The following MRGBP variants were observed in gnomAD, a reference collection of about 807,000 sequenced individuals.
The protein encoded by MRGBP is MRG domain binding protein.
MRGBP carries 5 observed loss-of-function variants against 21.5 expected under a neutral mutation model. The observed-to-expected ratio is 0.23, with a 90% CI of 0.12 to 0.49. MRGBP has a LOEUF of 0.49. MRGBP is among the 20% of genes least tolerant of loss of function. MRGBP has a pLI of 0.98. For synonymous variants in MRGBP, 118 were observed against 104.4 expected (o/e 1.13, Z -0.79); for missense variants, 227 against 277.4 (o/e 0.82, Z 1.29).
intron 2 of MRGBP, among the ~76,000 whole-genome samples, chr20:62,798,378 C>G (rs999584742): frequency 2.0e-5 from 3 of 152,224 alleles, no homozygotes; most frequent in Non-Finnish European, 4.4e-5. Flanking sequence ...TTCTGCCCTC[C>G]CTGGGTCTGT....
chr20:62,797,322 C>T, intron 2 of MRGBP, 91 bp downstream of exon 2: 2 of 1,454,968 alleles, frequency 1.4e-6, no homozygotes, highest in Non-Finnish European at 1.8e-6. Flanking sequence ...GCAGAGGCCC[C>T]TCCATGTCTG....
rs140838580 is a variant in MRGBP, at chr20:62,796,517, C to T, written c.-7C>T. 0.067 allele frequency: 77,410 copies of T among 1,147,036 alleles called. 3,052 individuals are homozygous for T. The highest frequency in any genetic ancestry group is 0.16 in the African/African-American group (9,509 of 61,118). 71.1% of individuals were successfully genotyped at this position (1,147,036 alleles called of 1,614,324 possible). A position where few individuals can be genotyped will look rare whatever the true frequency, so the allele number is the denominator to read the frequency against. On this transcript the variant is annotated 5_prime_UTR_variant, in exon 1 of 5. Transcript: ENST00000370487. ...CCGGGGGCTCCTTGCTCGGCCGGGC[C>T]GCGGCCATGGGAGAGGCCGAGGTGG...
Position 62,800,685 on chromosome 20 carries a change from A to G in MRGBP, c.*1042A>G, listed in dbSNP as rs1347465439. 1 of 152,266 alleles carries G rather than the reference A, an allele frequency of 6.6e-6. No homozygotes were observed. Among genetic ancestry groups the G allele is most frequent in the South Asian group, 2.1e-4 (1 of 4,834 alleles). The allele number at this position is 152,266 out of a possible 1,614,324, so 9.4% of individuals were successfully genotyped here. A position where few individuals can be genotyped will look rare whatever the true frequency, so the allele number is the denominator to read the frequency against. ...TCCAAGATTTATAACTAAAGCATAC[A>G]CTTAGATGACTTATTAACATTCACT... On this transcript the variant is annotated 3_prime_UTR_variant, in exon 5 of 5. Transcript: ENST00000370487.
At chr20:62,796,752 C>T in intron 1 of MRGBP, 81 bp downstream of exon 1, 1 of 1,149,376 alleles carries the variant, frequency 8.7e-7, no homozygotes, top group Non-Finnish European at 1.1e-6. Flanking sequence ...TCGCGACACC[C>T]TCGCCCCCAC....
intron 3 of MRGBP, 88 bp from the exon 4 acceptor site, chr20:62,798,887 A>G: frequency 6.3e-7 from 1 of 1,591,296 alleles, no homozygotes; most frequent in Non-Finnish European, 8.6e-7. Flanking sequence ...TGTGGGCAGC[A>G]AGCGTCGGAG....
At chr20:62,799,143 T>C (rs1026626291) in intron 4 of MRGBP, 94 bp downstream of exon 4, 38 of 1,352,906 alleles carry the variant, frequency 2.8e-5, no homozygotes, top group Non-Finnish European at 3.8e-5. Flanking sequence ...GCGTAGAGCC[T>C]GCGGTGCAGA....
In MRGBP at chr20:62,799,772, C is replaced by G; in HGVS notation, c.*129C>G. 6 of 1,025,480 alleles carry G rather than the reference C, an allele frequency of 5.9e-6. No individual in the cohort carries two copies. The highest frequency in any genetic ancestry group is 8.3e-6 in the Non-Finnish European group (6 of 721,644). The allele number at this position is 1,025,480 out of a possible 1,614,324, so 63.5% of individuals were successfully genotyped here. On this transcript the variant is annotated 3_prime_UTR_variant, in exon 5 of 5. Transcript: ENST00000370487. ...CAGTGCCATGAGCCCACACTGCCCG[C>G]CCTCAGGCTCTCAGGTGAACGTGGC...
At position 62,796,543 on chromosome 20, in the gene MRGBP, G is replaced by C. The variant is rs1421401818; in HGVS notation, c.20G>C (p.Gly7Ala). MGEAEV[G>A]GGGAAGDKGP... ...GCGGCCATGGGAGAGGCCGAGGTGG[G>C]CGGCGGGGGCGCCGCAGGCGACAAG... The change falls in exon 1 of 5, where the codon GGC becomes GCC. Residue 7 changes from glycine (G) to alanine (A), a missense_variant. This residue lies in a region of MRGBP where 65 missense variants were observed against 49.7 expected (regional missense o/e 1.31). Transcript: ENST00000370487. 4.2e-6 allele frequency: 5 copies of C among 1,189,228 alleles called. 1 individual carries two copies. Among genetic ancestry groups the C allele is most frequent in the East Asian group, 7.7e-5 (2 of 25,962 alleles). The allele number at this position is 1,189,228 out of a possible 1,614,324, so 73.7% of individuals were successfully genotyped here. A position where few individuals can be genotyped will look rare whatever the true frequency, so the allele number is the denominator to read the frequency against.
At position 62,799,631 on chromosome 20, in the gene MRGBP, G is replaced by A. The variant is rs114741652; in HGVS notation, c.603G>A (p.Arg201=). ...SNPSSPSAAK[R]RRT ...CTTCCAGTCCCAGTGCTGCCAAGCG[G>A]CGCCGCACGTAGACCCTCAGCCCTG... is the stretch of plus-strand genomic sequence containing the variant. The change falls in exon 5 of 5, where the codon CGG becomes CGA. Residue 201 remains arginine, a synonymous_variant. Coordinates refer to ENST00000370487, the MANE Select transcript of MRGBP (RefSeq NM_018270.6). 332 of 1,612,096 alleles carry A rather than the reference G, an allele frequency of 2.1e-4. 1 individual carries two copies. The African/African-American group carries it at 4.1e-3, about 20-fold the overall frequency.
At chr20:62,796,878 T>G (rs1990348222) in intron 1 of MRGBP, among the ~76,000 whole-genome samples, 1 of 70,728 alleles carries the variant, frequency 1.4e-5, no homozygotes, top group Non-Finnish European at 2.6e-5. Flanking sequence ...CCTACCCCCG[T>G]GAGACCGCGA....
chr20:62,796,480 C>T lies in MRGBP; in HGVS notation c.-44C>T, dbSNP rs1990334961. On this transcript the variant is annotated 5_prime_UTR_variant, in exon 1 of 5. Coordinates refer to ENST00000370487, the MANE Select transcript of MRGBP (RefSeq NM_018270.6). Reference sequence around the variant, plus strand: ...TGCGCCTGCGCGGAGCTCGTGGCCGCGCCTGCTCCCGCCGGGGGCTCCTTG... The same window carrying T: ...TGCGCCTGCGCGGAGCTCGTGGCCGTGCCTGCTCCCGCCGGGGGCTCCTTG... 2.7e-6 allele frequency: 3 copies of T among 1,096,892 alleles called. No individual in the cohort carries two copies. The highest frequency in any genetic ancestry group is 5.1e-5 in the Admixed American group (1 of 19,520). 67.9% of individuals were successfully genotyped at this position (1,096,892 alleles called of 1,614,324 possible).
Position 62,796,662 on chromosome 20 carries a change from A to G in MRGBP, c.139A>G (p.Lys47Glu). ...VCLFHAMLGHKPVGVNRHFHM... is the reference protein window; with the variant it reads ...VCLFHAMLGHEPVGVNRHFHM... ...CCTCTTCCACGCCATGCTGGGCCAC[A>G]AGCCCGTCGGTGAGCGCCCAGGCTG... The change falls in exon 1 of 5, where the codon AAG becomes GAG. Residue 47 changes from lysine to glutamate, a missense_variant. Coordinates refer to ENST00000370487, the MANE Select transcript of MRGBP (RefSeq NM_018270.6). 1 of 1,321,404 alleles carries G rather than the reference A, an allele frequency of 7.6e-7. No homozygotes were observed. 81.9% of individuals were successfully genotyped at this position (1,321,404 alleles called of 1,614,324 possible). A position where few individuals can be genotyped will look rare whatever the true frequency, so the allele number is the denominator to read the frequency against.
At chr20:62,797,444 C>G (rs1990361902) in intron 2 of MRGBP, among the ~76,000 whole-genome samples, 1 of 152,170 alleles carries the variant, frequency 6.6e-6, no homozygotes, top group Non-Finnish European at 1.5e-5. Context: ...CTGGGGTCCC[C>G]TGGGCAGAGA....
chr20:62,796,989 C>A (rs147851175), intron 1 of MRGBP, 121 bp from the exon 2 acceptor site: 24 of 773,222 alleles, frequency 3.1e-5, no homozygotes, highest in South Asian at 7.0e-5. Context: ...CCCTCCACAC[C>A]CTGGCCCTCC....
Position 62,796,546 on chromosome 20 carries a change from G to A in MRGBP, c.23G>A (p.Gly8Asp). The A allele has an allele frequency of 1.7e-6, 2 of 1,193,956 alleles. No homozygotes were observed. Among genetic ancestry groups the A allele is most frequent in the African/African-American group, 1.6e-5 (1 of 61,982 alleles). The allele number at this position is 1,193,956 out of a possible 1,614,324, so 74.0% of individuals were successfully genotyped here. ...GCCATGGGAGAGGCCGAGGTGGGCGGCGGGGGCGCCGCAGGCGACAAGGGC... is the reference window on the plus strand; with the variant it reads ...GCCATGGGAGAGGCCGAGGTGGGCGACGGGGGCGCCGCAGGCGACAAGGGC... MGEAEVG[G>D]GGAAGDKGPG... is the part of the protein sequence containing the mutation. The change falls in exon 1 of 5, where the codon GGC (glycine) becomes GAC (aspartate). Residue 8 changes from glycine to aspartate, a missense_variant. By Grantham distance (94) the Gly-to-Asp change is moderately conservative (BLOSUM62 -1). This residue lies in a region of MRGBP where 65 missense variants were observed against 49.7 expected (regional missense o/e 1.31). Coordinates refer to ENST00000370487, the MANE Select transcript of MRGBP (RefSeq NM_018270.6).
chr20:62,797,312 GC>G, intron 2 of MRGBP, 81 bp downstream of exon 2: 1 of 1,466,476 alleles, frequency 6.8e-7, no homozygotes, highest in Admixed American at 2.5e-5. Flanking sequence ...CCTGAGCTGG[GC>G]AGAGGCCCCT....
chr20:62,799,335 A>T, intron 4 of MRGBP, 121 bp from the exon 5 acceptor site: 1 of 1,144,566 alleles, frequency 8.7e-7, no homozygotes, highest in Non-Finnish European at 1.2e-6. Context: ...CTCCCAGCTC[A>T]GGAGGAAGCT....
Position 62,798,784 on chromosome 20 carries a change from AC to A in MRGBP, c.352+120del. The A allele has an allele frequency of 1.0e-5, 16 of 1,577,194 alleles. No homozygotes were observed. The South Asian group carries it at 1.8e-4, about 18-fold the overall frequency. On this transcript the variant is annotated intron_variant, in intron 3 of 4. Transcript: ENST00000370487. ...AGGGAGGTGTGAGGGTCCAGCGCAG[AC>A]CCCGCCCTACCTGTGCTTGGGTGGT...
intron 2 of MRGBP, 75 bp downstream of exon 2, chr20:62,797,306 A>T: frequency 1.4e-6 from 2 of 1,472,598 alleles, no homozygotes; most frequent in Non-Finnish European, 1.8e-6. Context: ...AGTCAGCCTG[A>T]GCTGGGCAGA....
Sources: gnomAD v4.1 joint callset for allele counts (sites outside exome capture counted in the v4.1 genomes callset) on GRCh38, gnomAD v4.1.1 for gene constraint, gnomAD v4.1.1 regional missense constraint, MANE v1.5 for transcripts, NCBI Gene and HGNC (gene_info 2026-07-23, HGNC 2026-07-21) for gene names.